NXPH2: variants seen among roughly 807,000 people sequenced by gnomAD.
NXPH2 encodes neurexophilin 2, also known as neurexophilin-2.
Under a neutral mutation model 19.8 loss-of-function variants are expected in NXPH2, and 5 were observed. The ratio of observed to expected loss-of-function variants is 0.25; its 90% CI spans 0.13 to 0.53. The LOEUF (loss-of-function observed/expected upper bound fraction) is 0.53, where lower values mean the gene tolerates loss of function less well. Ranked by LOEUF, NXPH2 falls within the 20% of genes least tolerant of loss-of-function variation. NXPH2 has a pLI of 0.96. For missense variants in NXPH2, 289 were observed against 322.8 expected, an observed-to-expected ratio of 0.90 and a Z score of 0.80; for synonymous variants, 154 against 127.4, an observed-to-expected ratio of 1.21 and a Z score of -1.41.
intron 1 of NXPH2, among the ~76,000 whole-genome samples, chr2:138,708,213 A>G (rs78269997): frequency 0.15 from 22,982 of 152,214 alleles, 1,928 homozygotes; most frequent in East Asian, 0.23. Flanking sequence ...GAAAAACAAC[A>G]ATAACAACAA....
intron 1 of NXPH2, 21 bp downstream of exon 1, chr2:138,780,170 G>A: frequency 2.0e-6 from 3 of 1,483,334 alleles, no homozygotes; most frequent in Non-Finnish European, 2.7e-6. Context: ...GTGTGGGACG[G>A]CGCGCGGGCC....
intron 1 of NXPH2, among the ~76,000 whole-genome samples, chr2:138,774,300 T>G (rs181487544): frequency 1.4e-3 from 216 of 152,322 alleles, no homozygotes; most frequent in Non-Finnish European, 2.5e-3. Flanking sequence ...GTTAAATAAG[T>G]GCTCATCAAT....
At chr2:138,763,561 C>G (rs1682049101) in intron 1 of NXPH2, among the ~76,000 whole-genome samples, 1 of 152,146 alleles carries the variant, frequency 6.6e-6, no homozygotes, top group Non-Finnish European at 1.5e-5. Flanking sequence ...TCAACCAGTT[C>G]TCTGGCTACT....
At chr2:138,726,519 A>AACACACACAC (rs57428467) in intron 1 of NXPH2, among the ~76,000 whole-genome samples, 9 of 146,462 alleles carry the variant, frequency 6.1e-5, no homozygotes, top group African/African-American at 2.0e-4. Context: ...TAAAAAAAGA[A>AACACACACAC]ACACACACAC....
At chr2:138,721,353 T>A (rs1254412668) in intron 1 of NXPH2, among the ~76,000 whole-genome samples, 4 of 149,796 alleles carry the variant, frequency 2.7e-5, no homozygotes, top group African/African-American at 7.4e-5. Flanking sequence ...AAAAAAAAAA[T>A]TGCCAGAGGT....
At chr2:138,749,177 TGTAA>T (rs1407078180) in intron 1 of NXPH2, among the ~76,000 whole-genome samples, 1 of 152,172 alleles carries the variant, frequency 6.6e-6, no homozygotes, top group African/African-American at 2.4e-5. Flanking sequence ...CTAATGGTTT[TGTAA>T]GTGTTTGGCA....
intron 1 of NXPH2, among the ~76,000 whole-genome samples, chr2:138,728,006 T>C (rs1681384520): frequency 6.6e-6 from 1 of 152,220 alleles, no homozygotes; most frequent in African/African-American, 2.4e-5. Flanking sequence ...GTAAGTTTCA[T>C]AATGTCTCTG....
intron 1 of NXPH2, among the ~76,000 whole-genome samples, chr2:138,717,302 AC>A: frequency 6.6e-6 from 1 of 152,062 alleles, no homozygotes; most frequent in Non-Finnish European, 1.5e-5. Flanking sequence ...AGAACGTTTA[AC>A]AGTATTGATG....
intron 1 of NXPH2, among the ~76,000 whole-genome samples, chr2:138,709,975 A>C (rs1198003011): frequency 6.6e-6 from 1 of 152,220 alleles, no homozygotes; most frequent in Non-Finnish European, 1.5e-5. Flanking sequence ...ATTCAGTGGC[A>C]TTACTTGTAT....
At chr2:138,691,254 A>T (rs1416807034) in intron 1 of NXPH2, among the ~76,000 whole-genome samples, 1 of 152,196 alleles carries the variant, frequency 6.6e-6, no homozygotes, top group Non-Finnish European at 1.5e-5. Context: ...TCTTCAACTT[A>T]CAAAATTGAG....
chr2:138,704,725 T>C (rs1404263246), intron 1 of NXPH2, among the ~76,000 whole-genome samples: 3 of 152,140 alleles, frequency 2.0e-5, no homozygotes, highest in African/African-American at 7.2e-5. Context: ...CACAATCATG[T>C]CTTAATTGTG....
chr2:138,682,940 C>G (rs535579827), intron 1 of NXPH2, among the ~76,000 whole-genome samples: 4 of 152,098 alleles, frequency 2.6e-5, no homozygotes, highest in Non-Finnish European at 5.9e-5. Flanking sequence ...TACCATAGTT[C>G]TCTGTAAATA....
chr2:138,736,860 G>C (rs1014950499), intron 1 of NXPH2, among the ~76,000 whole-genome samples: 1 of 152,128 alleles, frequency 6.6e-6, no homozygotes, highest in African/African-American at 2.4e-5. Context: ...TCTCAAGTTC[G>C]AAGTTCCACA....
At chr2:138,711,144 A>G (rs1408959940) in intron 1 of NXPH2, among the ~76,000 whole-genome samples, 1 of 24,638 alleles carries the variant, frequency 4.1e-5, no homozygotes, top group Non-Finnish European at 9.0e-5. Flanking sequence ...CATTTCTATC[A>G]CTTTTTTTTT....
intron 1 of NXPH2, among the ~76,000 whole-genome samples, chr2:138,682,797 T>G (rs1680597544): frequency 6.6e-6 from 1 of 152,228 alleles, no homozygotes; most frequent in Non-Finnish European, 1.5e-5. Context: ...ATGGCAATTC[T>G]TATTTTATCT....
intron 1 of NXPH2, among the ~76,000 whole-genome samples, chr2:138,688,189 T>G (rs1313603110): frequency 4.6e-5 from 7 of 152,174 alleles, no homozygotes; most frequent in Non-Finnish European, 1.0e-4. Context: ...TGTTATTCCA[T>G]TTGTTTGTGT....
rs993708590 is a variant in NXPH2 at position 138,772,810 on chromosome 2, T to C, written c.51+7381A>G. On this transcript the variant is annotated intron_variant, in intron 1 of 1. Transcript: ENST00000272641. ...TGATGAGTACCTAGAAAGACAGCAC[T>C]CATCATCAAAGTGGATGATTCGAAT... 5.3e-5 allele frequency among the ~76,000 whole-genome samples: 8 copies of C among 152,302 alleles called. No homozygotes were observed. The South Asian group carries it at 6.2e-4, about 12-fold the overall frequency.
chr2:138,692,426 A>T (rs1182955437), intron 1 of NXPH2, among the ~76,000 whole-genome samples: 1 of 152,206 alleles, frequency 6.6e-6, no homozygotes, highest in Non-Finnish European at 1.5e-5. Context: ...CTTTAAAACA[A>T]GCCTCAAATG....
At chr2:138,735,243 T>A (rs576202072) in intron 1 of NXPH2, among the ~76,000 whole-genome samples, 1 of 152,138 alleles carries the variant, frequency 6.6e-6, no homozygotes, top group Non-Finnish European at 1.5e-5. Context: ...TGGTATTCTA[T>A]GATGGTGTTG....
Sources: gnomAD v4.1 joint callset for allele counts (sites outside exome capture counted in the v4.1 genomes callset) on GRCh38, gnomAD v4.1.1 for gene constraint, MANE v1.5 for transcripts, NCBI Gene and HGNC (gene_info 2026-07-23, HGNC 2026-07-21) for gene names.